Variants in ZC3H14 observed in about 807,000 individuals in gnomAD.
The protein encoded by ZC3H14 is zinc finger CCCH-type containing 14.
ZC3H14 carries 31 observed loss-of-function variants against 92.4 expected under a neutral mutation model. The ratio of observed to expected loss-of-function variants is 0.34; its 90% confidence interval spans 0.25 to 0.45. The LOEUF is 0.45. ZC3H14 is among the 20% of genes least tolerant of loss of function. The probability of loss-of-function intolerance (pLI) is 1.00; values close to 1 mark genes in which losing one functional copy is unlikely to be tolerated. For missense variants in ZC3H14, 781 were observed against 897.3 expected (o/e 0.87, Z 1.66); for synonymous variants, 321 against 300.9 (o/e 1.07, Z -0.69).
At chr14:88,563,782 G>C in intron 2 of ZC3H14, 89 bp downstream of exon 2, 1 of 1,281,278 alleles carries the variant, frequency 7.8e-7, no homozygotes, top group Non-Finnish European at 1.1e-6. Flanking sequence ...ACCGTACTTT[G>C]GACATTGGGA....
chr14:88,568,424 C>T (rs960532365), intron 3 of ZC3H14, among the ~76,000 whole-genome samples: 25 of 152,182 alleles, frequency 1.6e-4, no homozygotes, highest in Non-Finnish European at 2.6e-4. Flanking sequence ...GCACCTTCTT[C>T]ACAAGTCGAC....
At chr14:88,563,400 G>A (rs2079119910) in intron 1 of ZC3H14, 4 of 1,433,802 alleles carry the variant, frequency 2.8e-6, no homozygotes, top group African/African-American at 1.5e-5. Flanking sequence ...ACAGGCGCAG[G>A]CCCGGCTGGA....
intron 1 of ZC3H14, chr14:88,563,400 G>T: frequency 7.0e-7 from 1 of 1,433,914 alleles, no homozygotes; most frequent in Non-Finnish European, 9.1e-7. Context: ...ACAGGCGCAG[G>T]CCCGGCTGGA....
intron 9 of ZC3H14, chr14:88,590,219 G>T (rs546291681): frequency 6.6e-6 from 1 of 152,338 alleles, no homozygotes; most frequent in Non-Finnish European, 1.5e-5. Flanking sequence ...AGGTGTGCCT[G>T]CTTTCAAACT....
At chr14:88,584,764 C>T (rs1278827426) in intron 9 of ZC3H14, among the ~76,000 whole-genome samples, 1 of 152,102 alleles carries the variant, frequency 6.6e-6, no homozygotes, top group Non-Finnish European at 1.5e-5. Flanking sequence ...ATACTGTAAA[C>T]CTTGAATAAC....
Position 88,563,143 on chromosome 14 carries a change from G to C in ZC3H14, c.10G>C (p.Gly4Arg), listed in dbSNP as rs1445549430. The C allele has an allele frequency of 5.0e-6, 8 of 1,600,530 alleles. No individual in the cohort carries two copies. Among genetic ancestry groups the C allele is most frequent in the Non-Finnish European group, 6.8e-6 (8 of 1,176,396 alleles). The change falls in exon 1 of 17, where the codon GGC becomes CGC. Residue 4 changes from glycine (G) to arginine (R), a missense_variant. Around this residue, in one of 3 missense-constraint regions of ZC3H14, gnomAD observed 106 missense variants for 154.2 expected, o/e 0.69. Coordinates refer to ENST00000251038, the MANE Select transcript of ZC3H14 (RefSeq NM_024824.5). MEI[G>R]TEISRKIRSA... ...CGCACGCCGCAGAGCCATGGAGATCGGCACCGAGATCAGCCGCAAGATCCG... is the reference window on the plus strand; with the variant it reads ...CGCACGCCGCAGAGCCATGGAGATCCGCACCGAGATCAGCCGCAAGATCCG...
chr14:88,584,091 C>T (rs1376496619), intron 9 of ZC3H14, among the ~76,000 whole-genome samples: 2 of 152,040 alleles, frequency 1.3e-5, no homozygotes, highest in African/African-American at 4.8e-5. Context: ...ATCTCAAAGT[C>T]AGTTTTGCCT....
At chr14:88,567,742 A>G (rs1405083110) in intron 2 of ZC3H14, 3 of 389,284 alleles carry the variant, frequency 7.7e-6, no homozygotes, top group African/African-American at 6.3e-5. Context: ...CTTCTTTGAA[A>G]TTAATAAGCA....
chr14:88,608,319 C>A (rs2140135143), intron 13 of ZC3H14: 7 of 485,794 alleles, frequency 1.4e-5, no homozygotes, highest in South Asian at 9.1e-5. Context: ...TGAATACCAT[C>A]CCCATCTCAT....
chr14:88,606,608 C>A (rs182130536), intron 12 of ZC3H14, among the ~76,000 whole-genome samples: 1 of 151,866 alleles, frequency 6.6e-6, no homozygotes, highest in South Asian at 2.1e-4. Context: ...TGTAGCCAGG[C>A]GTGGTGGCAC....
At chr14:88,576,019 A>T in intron 8 of ZC3H14, 79 bp downstream of exon 8, 1 of 1,262,088 alleles carries the variant, frequency 7.9e-7, no homozygotes, top group Non-Finnish European at 1.1e-6. Context: ...TTGCTCCTTA[A>T]ATTGTAAAAT....
At chr14:88,585,814 G>C (rs1343817291) in intron 9 of ZC3H14, among the ~76,000 whole-genome samples, 1 of 152,192 alleles carries the variant, frequency 6.6e-6, no homozygotes, top group African/African-American at 2.4e-5. Context: ...CCTATGAAGA[G>C]CTTCAGTCTT....
At position 88,601,960 on chromosome 14, in the gene ZC3H14, C is replaced by T; in HGVS notation, c.1391C>T (p.Thr464Ile). The change falls in exon 11 of 17, where the codon ACA becomes ATA. Residue 464 changes from threonine to isoleucine, a missense_variant. Physicochemically the swap from Thr to Ile is moderately conservative, Grantham distance 89. Coordinates refer to ENST00000251038, the MANE Select transcript of ZC3H14 (RefSeq NM_024824.5). ...YDMESMVHAD[T>I]RSFILKKPKL... ...ATGGAATCCATGGTCCATGCAGACA[C>T]AAGATCATTTATTCTGAAGAAGCCA... 6.2e-7 allele frequency: 1 copy of T among 1,614,108 alleles called. No homozygotes were observed. Among genetic ancestry groups the T allele is most frequent in the Non-Finnish European group, 8.5e-7 (1 of 1,179,990 alleles).
rs949306224 is a variant in ZC3H14 at position 88,572,189 on chromosome 14, C to A, written c.395C>A (p.Ser132Tyr). 1 of 1,614,130 alleles carries A rather than the reference C, an allele frequency of 6.2e-7. No homozygotes were observed. Among genetic ancestry groups the A allele is most frequent in the South Asian group, 1.1e-5 (1 of 91,078 alleles). ...CCTGAAAAAAGAGATTCCAGAGTTT[C>A]TACAAGTTCGCAGGAGTCAAAAACC... ...ARPEKRDSRV[S>Y]TSSQESKTTN... The change falls in exon 5 of 17, where the codon TCT becomes TAT. Residue 132 changes from serine to tyrosine, a missense_variant. Coordinates refer to ENST00000251038, the MANE Select transcript of ZC3H14 (RefSeq NM_024824.5).
At chr14:88,583,164 C>T (rs577318802) in intron 9 of ZC3H14, among the ~76,000 whole-genome samples, 45 of 146,654 alleles carry the variant, frequency 3.1e-4, no homozygotes, top group African/African-American at 1.1e-3. Flanking sequence ...GGCGAGGTCT[C>T]ACTGTCACCT....
At chr14:88,585,434 T>A (rs1004925934) in intron 9 of ZC3H14, among the ~76,000 whole-genome samples, 2 of 151,274 alleles carry the variant, frequency 1.3e-5, no homozygotes, top group Non-Finnish European at 2.9e-5. Flanking sequence ...TGGAGTGTAG[T>A]AGCGCGATCT....
At chr14:88,563,324 G>C in intron 1 of ZC3H14, 155 bp downstream of exon 1, 6 of 1,496,810 alleles carry the variant, frequency 4.0e-6, no homozygotes, top group Non-Finnish European at 4.4e-6. Context: ...AGGCCGCCTC[G>C]GCCCTGGGGA....
At chr14:88,565,410 G>C (rs2079434112) in intron 2 of ZC3H14, among the ~76,000 whole-genome samples, 1 of 152,046 alleles carries the variant, frequency 6.6e-6, no homozygotes, top group Admixed American at 6.6e-5. Context: ...CAAAGTGCTG[G>C]GATTACAGGT....
At chr14:88,576,017 TA>T in intron 8 of ZC3H14, 77 bp downstream of exon 8, 1 of 1,278,858 alleles carries the variant, frequency 7.8e-7, no homozygotes, top group Non-Finnish European at 1.1e-6. Flanking sequence ...GATTGCTCCT[TA>T]AATTGTAAAA....
Sources: gnomAD v4.1 joint callset for allele counts (sites outside exome capture counted in the v4.1 genomes callset) on GRCh38, gnomAD v4.1.1 for gene constraint, gnomAD v4.1.1 regional missense constraint, MANE v1.5 for transcripts, NCBI Gene and HGNC (gene_info 2026-07-23, HGNC 2026-07-21) for gene names.